Variants in KPNA4 observed in about 807,000 individuals in gnomAD.
KPNA4 encodes the protein importin subunit alpha-3.
In KPNA4, 13 loss-of-function variants were observed where a neutral mutation model predicts 71.3. The observed-to-expected ratio is 0.18, with a 90% CI of 0.12 to 0.29. The LOEUF (loss-of-function observed/expected upper bound fraction) is 0.29, where lower values mean the gene tolerates loss of function less well. Among genes scored for constraint, KPNA4 ranks in the 10% least tolerant of loss-of-function variants. The pLI is 1.00. For missense variants in KPNA4, 334 were observed against 603.2 expected (o/e 0.55, Z 4.67); for synonymous variants, 189 against 195.2 (o/e 0.97, Z 0.26).
rs974879055 is a variant in KPNA4, at chr3:160,496,429, T to A, written c.*5675A>T. The A allele has an allele frequency of 2.6e-5, 4 of 152,128 alleles. No homozygotes were observed. The highest frequency in any genetic ancestry group is 9.7e-5 in the African/African-American group (4 of 41,426). The allele number at this position is 152,128 out of a possible 1,614,324, so 9.4% of individuals were successfully genotyped here. A position where few individuals can be genotyped will look rare whatever the true frequency, so the allele number is the denominator to read the frequency against. On this transcript the variant is annotated 3_prime_UTR_variant, in exon 17 of 17. Coordinates refer to ENST00000334256, the MANE Select transcript of KPNA4 (RefSeq NM_002268.5). ...AAAAAGCATGTAGATTTAAGCAGAT[T>A]ACGAGTCATTTTAAACAGCTGTTTC...
chr3:160,509,167 G>A (rs958361868), intron 14 of KPNA4, among the ~76,000 whole-genome samples: 5 of 152,070 alleles, frequency 3.3e-5, no homozygotes, highest in South Asian at 2.1e-4. Context: ...TTTGTCACCC[G>A]CACGACCTGA....
intron 1 of KPNA4, among the ~76,000 whole-genome samples, chr3:160,538,423 A>G (rs1721733093): frequency 6.6e-6 from 1 of 152,178 alleles, no homozygotes; most frequent in Admixed American, 6.5e-5. Flanking sequence ...AACTGGCTAC[A>G]TTGAGTGAAG....
chr3:160,548,505 T>C (rs1468207428), intron 1 of KPNA4, among the ~76,000 whole-genome samples: 1 of 152,200 alleles, frequency 6.6e-6, no homozygotes, highest in African/African-American at 2.4e-5. Flanking sequence ...TTCCTGTTTC[T>C]ATGCATTTGC....
chr3:160,539,834 G>A (rs574657607), intron 1 of KPNA4, among the ~76,000 whole-genome samples: 86 of 152,092 alleles, frequency 5.7e-4, no homozygotes, highest in African/African-American at 2.0e-3. Context: ...AAGGTATAAT[G>A]GGCTTTAACT....
At chr3:160,517,877 A>G (rs1050761363) in intron 11 of KPNA4, among the ~76,000 whole-genome samples, 1 of 152,198 alleles carries the variant, frequency 6.6e-6, no homozygotes, top group Admixed American at 6.5e-5. Flanking sequence ...TTGCCAATAC[A>G]TAATTTTCTA....
At chr3:160,511,995 C>G (rs1006251955) in intron 13 of KPNA4, among the ~76,000 whole-genome samples, 1 of 151,946 alleles carries the variant, frequency 6.6e-6, no homozygotes. Context: ...TTAATAGCTC[C>G]CTTTCATTCA....
At chr3:160,507,109 T>A (rs746929542) in intron 15 of KPNA4, among the ~76,000 whole-genome samples, 1 of 152,216 alleles carries the variant, frequency 6.6e-6, no homozygotes, top group Non-Finnish European at 1.5e-5. Context: ...AAAGCTAATA[T>A]GTATTGTTTA....
intron 1 of KPNA4, among the ~76,000 whole-genome samples, chr3:160,541,365 G>A (rs1451065653): frequency 6.6e-6 from 1 of 151,622 alleles, no homozygotes; most frequent in Non-Finnish European, 1.5e-5. Flanking sequence ...ACAAAGATAA[G>A]AAATACAATG....
rs1721804025 is a variant in KPNA4, at chr3:160,541,785, A to C, written c.70-4945T>G. The stretch of plus-strand genomic sequence containing the variant: ...ATCACCTAATTGCCAAGCATTAGAA[A>C]TACAAAGATGGACCAGACACTGCAT... On this transcript the variant is annotated intron_variant, in intron 1 of 16. Transcript: ENST00000334256. Among the ~76,000 whole-genome samples, 3 of 152,010 alleles carry C rather than the reference A, an allele frequency of 2.0e-5. No individual in the cohort carries two copies. The South Asian group carries it at 6.2e-4, about 32-fold the overall frequency.
At chr3:160,515,386 A>C (rs1721190160) in intron 12 of KPNA4, 66 bp downstream of exon 12, 2 of 1,375,164 alleles carry the variant, frequency 1.5e-6, no homozygotes, top group Middle Eastern at 2.1e-4. Flanking sequence ...TAAGACTCTA[A>C]TTTTACAAAT....
At chr3:160,548,247 TAAC>T (rs1409480697) in intron 1 of KPNA4, among the ~76,000 whole-genome samples, 1 of 152,156 alleles carries the variant, frequency 6.6e-6, no homozygotes, top group Non-Finnish European at 1.5e-5. Flanking sequence ...AATATATACA[TAAC>T]AATAAAATTT....
chr3:160,554,304 T>A (rs376041518), intron 1 of KPNA4, among the ~76,000 whole-genome samples: 61 of 152,288 alleles, frequency 4.0e-4, no homozygotes, highest in African/African-American at 1.3e-3. Context: ...AACACCACTA[T>A]CTAACTCCAG....
At chr3:160,551,877 G>A (rs1722046338) in intron 1 of KPNA4, among the ~76,000 whole-genome samples, 1 of 149,612 alleles carries the variant, frequency 6.7e-6, no homozygotes, top group South Asian at 2.1e-4. Flanking sequence ...TCTCATCTGG[G>A]GTGAGTTTGC....
At chr3:160,513,255 T>TG (rs1290739630) in intron 13 of KPNA4, among the ~76,000 whole-genome samples, 30 of 140,478 alleles carry the variant, frequency 2.1e-4, no homozygotes, top group African/African-American at 7.4e-4. Context: ...TGTGGTTTTT[T>TG]TTTTTTTTTT....
intron 7 of KPNA4, among the ~76,000 whole-genome samples, chr3:160,529,461 T>C (rs1011148381): frequency 1.3e-5 from 2 of 152,140 alleles, no homozygotes; most frequent in Non-Finnish European, 2.9e-5. Flanking sequence ...CCAGTTTTAA[T>C]AGGATGTGAG....
intron 12 of KPNA4, 143 bp from the exon 13 acceptor site, chr3:160,514,324 T>TGAGA: frequency 1.8e-6 from 1 of 549,954 alleles, no homozygotes; most frequent in Non-Finnish European, 3.1e-6. Flanking sequence ...TCTCAATTCC[T>TGAGA]TTACACCCCT....
At chr3:160,514,710 TA>T (rs1721167859) in intron 12 of KPNA4, among the ~76,000 whole-genome samples, 1 of 152,226 alleles carries the variant, frequency 6.6e-6, no homozygotes. Context: ...ATTCACTGCA[TA>T]ATTTCTCTCA....
At position 160,531,554 on chromosome 3, in the gene KPNA4, CT is replaced by C; in HGVS notation, c.290del (p.Lys97SerfsTer14). On this transcript the variant is annotated frameshift_variant and splice_region_variant, in exon 6 of 17. Coordinates refer to ENST00000334256, the MANE Select transcript of KPNA4 (RefSeq NM_002268.5). LOFTEE classifies it high-confidence loss of function. ...GTGGATTTCGATCACTGGACAAAAG[CT>C]TCCTGTAAGAGATAAAAACACTCCT... ...IQLSAVQAAR[K>X]LLSSDRNPPI... 1.3e-6 allele frequency: 2 copies of C among 1,562,988 alleles called. No individual in the cohort carries two copies. Among genetic ancestry groups the C allele is most frequent in the South Asian group, 2.5e-5 (2 of 80,700 alleles).
Position 160,526,089 on chromosome 3 carries a change from C to A in KPNA4, c.575G>T (p.Arg192Ile). ...AACTCCAAGACTTATGACATAATCT[C>A]TACACTGGGGCCCATCACCTGTAGA... is the stretch of plus-strand genomic sequence containing the variant. ...GNIIGDGPQC[R>I]DYVISLGVVK... The change falls in exon 9 of 17, where the codon AGA becomes ATA. Residue 192 changes from arginine (R) to isoleucine (I), a missense_variant. Coordinates refer to ENST00000334256, the MANE Select transcript of KPNA4 (RefSeq NM_002268.5). 1 of 1,561,620 alleles carries A rather than the reference C, an allele frequency of 6.4e-7. No individual in the cohort carries two copies. Among genetic ancestry groups the A allele is most frequent in the Non-Finnish European group, 8.6e-7 (1 of 1,158,506 alleles).
Sources: allele counts gnomAD v4.1 joint callset (sites outside exome capture counted in the v4.1 genomes callset), GRCh38; gene constraint gnomAD v4.1.1; transcripts MANE v1.5; gene names NCBI Gene and HGNC (gene_info 2026-07-23, HGNC 2026-07-21).